SCN11A: variants seen among roughly 807,000 people sequenced by gnomAD.
SCN11A encodes the protein sodium voltage-gated channel alpha subunit 11.
Under a neutral mutation model 162.2 loss-of-function variants are expected in SCN11A, and 122 were observed. The observed-to-expected ratio is 0.75, with a 90% CI of 0.65 to 0.87. SCN11A has a LOEUF of 0.87. Ranked by LOEUF, SCN11A falls within the 40% of genes least tolerant of loss-of-function variation. The pLI is 0.00. For synonymous variants in SCN11A, 758 were observed against 751.5 expected (o/e 1.01, Z -0.14); for missense variants, 2,015 against 2,181.6 (o/e 0.92, Z 1.52).
intron 7 of SCN11A, among the ~76,000 whole-genome samples, chr3:38,941,352 A>G (rs900039272): frequency 1.3e-5 from 2 of 152,222 alleles, no homozygotes; most frequent in Admixed American, 6.5e-5. Context: ...TTTCAGATCA[A>G]TATAAACTGA....
intron 1 of SCN11A, among the ~76,000 whole-genome samples, chr3:39,046,542 G>A (rs2032185228): frequency 6.6e-6 from 1 of 151,726 alleles, no homozygotes; most frequent in African/African-American, 2.4e-5. Context: ...AACTACAAAC[G>A]ACCCCAAATA....
chr3:38,938,550 ATTTTTTTTTTTTTTTTTTT>A (rs71085342), intron 7 of SCN11A, among the ~76,000 whole-genome samples: 1 of 14,530 alleles, frequency 6.9e-5, no homozygotes, highest in African/African-American at 2.4e-4. Flanking sequence ...ATATATATAT[ATTTTTTTTTTTTTTTTTTT>A]TTTTTTTTTT....
intron 23 of SCN11A, among the ~76,000 whole-genome samples, chr3:38,874,799 G>C (rs2065182903): frequency 6.6e-6 from 1 of 152,102 alleles, no homozygotes; most frequent in Non-Finnish European, 1.5e-5. Context: ...ATAATGATCT[G>C]TTGTGGAAAA....
At chr3:39,000,987 T>A (rs145746577) in intron 2 of SCN11A, among the ~76,000 whole-genome samples, 5 of 152,192 alleles carry the variant, frequency 3.3e-5, no homozygotes, top group African/African-American at 1.2e-4. Context: ...CAGTGAGCCA[T>A]GATCATGCTA....
chr3:38,988,340 G>T (rs944396454), intron 2 of SCN11A, among the ~76,000 whole-genome samples: 2 of 151,874 alleles, frequency 1.3e-5, no homozygotes, highest in African/African-American at 4.8e-5. Flanking sequence ...CTCATTCTCT[G>T]AGCCTAGGCA....
Position 38,910,136 on chromosome 3 carries a change from T to C in SCN11A, c.1031A>G (p.Asn344Ser), listed in dbSNP as rs750337802. 6.2e-7 allele frequency: 1 copy of C among 1,613,940 alleles called. No homozygotes were observed. The highest frequency in any genetic ancestry group is 8.5e-7 in the Non-Finnish European group (1 of 1,179,894). ...CATGGCAAGAAAAGACCAGCCAAAG[T>C]TGTCAAAATTCGTATAATTATAGTC... ...NPDYNYTNFD[N>S]FGWSFLAMFR... The change falls in exon 12 of 30, where the codon AAC becomes AGC. Residue 344 changes from asparagine to serine, a missense_variant. Coordinates refer to ENST00000302328, the MANE Select transcript of SCN11A (RefSeq NM_001349253.2).
At chr3:38,847,860 T>C (rs2064702292) in intron 29 of SCN11A, 118 bp from the exon 30 acceptor site, 7 of 603,994 alleles carry the variant, frequency 1.2e-5, no homozygotes, top group African/African-American at 3.7e-5. Flanking sequence ...TTGTAGCTTA[T>C]GTACAAAACT....
chr3:38,902,998 C>T (rs1305142008), intron 16 of SCN11A, among the ~76,000 whole-genome samples: 1 of 152,118 alleles, frequency 6.6e-6, no homozygotes, highest in East Asian at 1.9e-4. Flanking sequence ...TCTTTGTCAG[C>T]AGGTACATGG....
chr3:38,917,415 G>C (rs549166365), intron 11 of SCN11A, among the ~76,000 whole-genome samples: 61 of 152,308 alleles, frequency 4.0e-4, no homozygotes, highest in Admixed American at 9.2e-4. Context: ...GAGGCAACCT[G>C]AATGCCCAAC....
intron 19 of SCN11A, among the ~76,000 whole-genome samples, chr3:38,892,773 G>A (rs1212233390): frequency 1.3e-5 from 2 of 151,978 alleles, no homozygotes; most frequent in African/African-American, 2.4e-5. Flanking sequence ...TATTTCTATA[G>A]CTCACTGGAA....
intron 7 of SCN11A, among the ~76,000 whole-genome samples, chr3:38,939,846 T>A (rs1172791335): frequency 6.6e-6 from 1 of 150,800 alleles, no homozygotes; most frequent in Non-Finnish European, 1.5e-5. Context: ...GAGGTTGTGG[T>A]GAGCCAAAAT....
intron 16 of SCN11A, among the ~76,000 whole-genome samples, chr3:38,900,755 T>C (rs59972747): frequency 0.016 from 2,425 of 152,150 alleles, 68 homozygotes; most frequent in African/African-American, 0.056. Flanking sequence ...AGGGCTCACA[T>C]TTCCAGAACA....
At chr3:38,891,411 G>A (rs1432187236) in intron 19 of SCN11A, among the ~76,000 whole-genome samples, 1 of 152,162 alleles carries the variant, frequency 6.6e-6, no homozygotes, top group Non-Finnish European at 1.5e-5. Context: ...GAAATGTGGT[G>A]CACCATTAAG....
chr3:38,876,620 A>T (rs2065211045), intron 23 of SCN11A, among the ~76,000 whole-genome samples: 2 of 152,180 alleles, frequency 1.3e-5, no homozygotes, highest in African/African-American at 4.8e-5. Flanking sequence ...GTTCAACATC[A>T]CTAATTATCA....
chr3:38,949,788 T>A lies in SCN11A; in HGVS notation c.267+308A>T, dbSNP rs533454984. Among the ~76,000 whole-genome samples the A allele has an allele frequency of 2.0e-5, 3 of 152,324 alleles. No homozygotes were observed. In the South Asian group the frequency reaches 6.2e-4, roughly 32 times the overall value. On this transcript the variant is annotated intron_variant, in intron 5 of 29. Coordinates refer to ENST00000302328, the MANE Select transcript of SCN11A (RefSeq NM_001349253.2). ...CCAATCAATTGAAATGGCCTGTATC[T>A]AACTTCTGGGACTACTAGTCCAGTC... is the stretch of plus-strand genomic sequence containing the variant.
In SCN11A at chr3:38,963,641, C is replaced by T. The variant is rs538338956; in HGVS notation, c.-279-3218G>A. On this transcript the variant is annotated intron_variant, in intron 2 of 29. Transcript: ENST00000302328. ...AACTCAGGAATTGAAAACTGAACAT[C>T]GTATGTTCTCACCGATATGTGGGAG... Among the ~76,000 whole-genome samples, 18 of 151,706 alleles carry T rather than the reference C, an allele frequency of 1.2e-4. 1 individual carries two copies. The East Asian group carries it at 2.7e-3, about 23-fold the overall frequency.
At chr3:38,895,021 G>A (rs572343005) in intron 18 of SCN11A, 57 bp from the exon 19 acceptor site, 3 of 1,490,316 alleles carry the variant, frequency 2.0e-6, no homozygotes, top group Admixed American at 4.5e-5. Flanking sequence ...AAAAGATATA[G>A]TGGGTTTCCA....
intron 5 of SCN11A, among the ~76,000 whole-genome samples, chr3:38,948,236 C>A (rs1350015455): frequency 6.6e-6 from 1 of 152,232 alleles, no homozygotes; most frequent in African/African-American, 2.4e-5. Context: ...CAGAAACAAA[C>A]CTCTCTTTGA....
At chr3:39,026,514 C>T (rs1208850588) in intron 2 of SCN11A, among the ~76,000 whole-genome samples, 1 of 152,126 alleles carries the variant, frequency 6.6e-6, no homozygotes, top group African/African-American at 2.4e-5. Flanking sequence ...CTTTAACATC[C>T]TGCAGACCTC....
Sources: allele counts gnomAD v4.1 joint callset (sites outside exome capture counted in the v4.1 genomes callset), GRCh38; gene constraint gnomAD v4.1.1; transcripts MANE v1.5; gene names NCBI Gene and HGNC (gene_info 2026-07-23, HGNC 2026-07-21).